NMT2: variants seen among roughly 807,000 people sequenced by gnomAD.
NMT2 encodes the protein N-myristoyltransferase 2.
Under a neutral mutation model 65.4 loss-of-function variants are expected in NMT2, and 35 were observed. The observed-to-expected ratio is 0.54, with a 90% CI of 0.41 to 0.71. The LOEUF (loss-of-function observed/expected upper bound fraction) is 0.71. NMT2 is among the 30% of genes least tolerant of loss of function. The pLI, the probability that NMT2 is intolerant of heterozygous loss-of-function variation, is 0.00. For missense variants in NMT2, 489 were observed against 611.3 expected (o/e 0.80, Z 2.11); for synonymous variants, 226 against 231.8 (o/e 0.98, Z 0.23).
chr10:15,106,695 CTT>C lies in NMT2; in HGVS notation c.*2498_*2499del, dbSNP rs1364863052. On this transcript the variant is annotated 3_prime_UTR_variant, in exon 12 of 12. Coordinates refer to ENST00000378165, the MANE Select transcript of NMT2 (RefSeq NM_004808.3). ...CTTCGTAGTGACCAAGGTCAACAAA[CTT>C]TCTGTAAAAGACCAGAGAGTGAATA... 1.5e-5 allele frequency: 15 copies of C among 980,874 alleles called. No homozygotes were observed. The highest frequency in any genetic ancestry group is 1.8e-5 in the Non-Finnish European group (15 of 825,890). 60.8% of individuals were successfully genotyped at this position (980,874 alleles called of 1,614,324 possible). A position where few individuals can be genotyped will look rare whatever the true frequency, so the allele number is the denominator to read the frequency against.
chr10:15,166,032 C>A (rs1040233039), intron 1 of NMT2, among the ~76,000 whole-genome samples: 1 of 152,078 alleles, frequency 6.6e-6, no homozygotes, highest in South Asian at 2.1e-4. Context: ...AAACGAAATA[C>A]CCTTTTTAGT....
At chr10:15,125,004 G>C (rs553183113) in intron 8 of NMT2, among the ~76,000 whole-genome samples, 2 of 152,208 alleles carry the variant, frequency 1.3e-5, no homozygotes, top group African/African-American at 4.8e-5. Context: ...CCCATAGTGG[G>C]TAATGTTAGA....
At position 15,109,894 on chromosome 10, in the gene NMT2, T is replaced by C. The variant is rs1845449621; in HGVS notation, c.1339-55A>G. The C allele has an allele frequency of 2.1e-6, 3 of 1,426,930 alleles. No homozygotes were observed. In the African/African-American group the frequency reaches 4.3e-5, roughly 20 times the overall value. The allele number at this position is 1,426,930 out of a possible 1,614,324, so 88.4% of individuals were successfully genotyped here. A position where few individuals can be genotyped will look rare whatever the true frequency, so the allele number is the denominator to read the frequency against. On this transcript the variant is annotated intron_variant, in intron 10 of 11. Coordinates refer to ENST00000378165, the MANE Select transcript of NMT2 (RefSeq NM_004808.3). ...AAACAAAGGACTAGTGTTTTCTGTATTACATATCTCAGTTTAACAATTCTA... is the reference window on the plus strand; with the variant it reads ...AAACAAAGGACTAGTGTTTTCTGTACTACATATCTCAGTTTAACAATTCTA...
At chr10:15,164,459 C>T (rs1833310115) in intron 1 of NMT2, among the ~76,000 whole-genome samples, 1 of 152,142 alleles carries the variant, frequency 6.6e-6, no homozygotes, top group Non-Finnish European at 1.5e-5. Flanking sequence ...CAAAGTTCAA[C>T]ACGAATTTTA....
At chr10:15,161,805 G>T (rs896973323) in intron 1 of NMT2, among the ~76,000 whole-genome samples, 4 of 152,132 alleles carry the variant, frequency 2.6e-5, no homozygotes, top group Non-Finnish European at 4.4e-5. Context: ...AAAAATAAAA[G>T]AATTACAATT....
chr10:15,126,290 G>A (rs377732656), intron 8 of NMT2, among the ~76,000 whole-genome samples: 15 of 152,060 alleles, frequency 9.9e-5, no homozygotes, highest in Admixed American at 5.9e-4. Context: ...TTAGCTGGGC[G>A]TGGTGGTGCA....
At chr10:15,161,099 A>AAAAAAAAAAAAAAAC (rs1833178082) in intron 1 of NMT2, among the ~76,000 whole-genome samples, 1 of 149,608 alleles carries the variant, frequency 6.7e-6, no homozygotes, top group South Asian at 2.1e-4. Context: ...AAAAAAAAAA[A>AAAAAAAAAAAAAAAC]AAAAAAAAAA....
In NMT2 at chr10:15,141,345, C is replaced by G. The variant is rs1246780135; in HGVS notation, c.246+77G>C. On this transcript the variant is annotated intron_variant, in intron 2 of 11. Transcript: ENST00000378165. Reference sequence around the variant, plus strand: ...CAACAAAGTCCCTACACATCTGATGCAGCAGCGCGCTAAACTGCGTAAACC... The same window carrying G: ...CAACAAAGTCCCTACACATCTGATGGAGCAGCGCGCTAAACTGCGTAAACC... 5 of 1,543,784 alleles carry G rather than the reference C, an allele frequency of 3.2e-6. No individual in the cohort carries two copies. The Admixed American group carries it at 9.0e-5, about 28-fold the overall frequency.
At chr10:15,127,895 CT>C (rs1846150233) in intron 8 of NMT2, among the ~76,000 whole-genome samples, 1 of 123,314 alleles carries the variant, frequency 8.1e-6, no homozygotes, top group African/African-American at 5.5e-5. Context: ...GCAAGACTGT[CT>C]CCAAAAAAAA....
chr10:15,116,836 C>T (rs1401530481), intron 9 of NMT2, among the ~76,000 whole-genome samples: 2 of 152,100 alleles, frequency 1.3e-5, no homozygotes, highest in East Asian at 1.9e-4. Flanking sequence ...TGGATGAACT[C>T]CTCAAAAACT....
In NMT2 at chr10:15,137,482, C is replaced by T. The variant is rs547243964; in HGVS notation, c.247-2064G>A. On this transcript the variant is annotated intron_variant, in intron 2 of 11. Transcript: ENST00000378165. Reference sequence around the variant, plus strand: ...TCTTTTCCTTGGGTGTCTTTTAAGTCCCCAACATTAAAAGGAGCAAATTTC... The same window carrying T: ...TCTTTTCCTTGGGTGTCTTTTAAGTTCCCAACATTAAAAGGAGCAAATTTC... Among the ~76,000 whole-genome samples, 5 of 152,048 alleles carry T rather than the reference C, an allele frequency of 3.3e-5. No homozygotes were observed. The South Asian group carries it at 1.0e-3, about 32-fold the overall frequency.
At chr10:15,165,861 G>C (rs1057015999) in intron 1 of NMT2, among the ~76,000 whole-genome samples, 3 of 134,698 alleles carry the variant, frequency 2.2e-5, no homozygotes, top group African/African-American at 9.1e-5. Context: ...CTGGGTGACA[G>C]AGAAAGACTG....
intron 1 of NMT2, among the ~76,000 whole-genome samples, chr10:15,142,994 T>C (rs150502578): frequency 1.8e-4 from 28 of 152,352 alleles, no homozygotes; most frequent in Middle Eastern, 3.4e-3. Flanking sequence ...GATTTATGTA[T>C]GCATTTGTAT....
chr10:15,142,699 C>T (rs891334071), intron 1 of NMT2, among the ~76,000 whole-genome samples: 2 of 152,200 alleles, frequency 1.3e-5, no homozygotes, highest in Non-Finnish European at 2.9e-5. Context: ...GGTTTTGCCA[C>T]CTCACAACAA....
chr10:15,119,791 C>G (rs1213801147), intron 8 of NMT2, among the ~76,000 whole-genome samples: 2 of 152,188 alleles, frequency 1.3e-5, no homozygotes, highest in Admixed American at 6.5e-5. Flanking sequence ...TGCGGCAAGT[C>G]TTTGGTCACT....
At chr10:15,162,764 T>G (rs892453621) in intron 1 of NMT2, among the ~76,000 whole-genome samples, 6 of 148,460 alleles carry the variant, frequency 4.0e-5, no homozygotes, top group African/African-American at 7.3e-5. Context: ...ATATATATTT[T>G]ATTTATATAT....
Position 15,133,036 on chromosome 10 carries a change from T to C in NMT2, c.602+17A>G. On this transcript the variant is annotated intron_variant, in intron 5 of 11. Transcript: ENST00000378165. The stretch of plus-strand genomic sequence containing the variant: ...CAGCAGCGCCTATCCACGACATCTG[T>C]GATCGATGAGACTTACCACAACAGG... 1 of 1,610,816 alleles carries C rather than the reference T, an allele frequency of 6.2e-7. No homozygotes were observed. Among genetic ancestry groups the C allele is most frequent in the Non-Finnish European group, 8.5e-7 (1 of 1,177,050 alleles).
At chr10:15,161,551 G>C (rs1436370062) in intron 1 of NMT2, among the ~76,000 whole-genome samples, 1 of 151,934 alleles carries the variant, frequency 6.6e-6, no homozygotes. Context: ...GTAGAGATGG[G>C]GTTTCACCAT....
chr10:15,109,258 G>A (rs905983603), intron 11 of NMT2, 43 bp from the exon 12 acceptor site: 22 of 1,601,714 alleles, frequency 1.4e-5, no homozygotes, highest in Non-Finnish European at 1.9e-5. Flanking sequence ...AAATTAGATT[G>A]CAATGTAGTA....
Sources: gnomAD v4.1 joint callset for allele counts (sites outside exome capture counted in the v4.1 genomes callset) on GRCh38, gnomAD v4.1.1 for gene constraint, MANE v1.5 for transcripts, NCBI Gene and HGNC (gene_info 2026-07-23, HGNC 2026-07-21) for gene names.